DCDC1: variants seen among roughly 807,000 people sequenced by gnomAD.
The protein encoded by DCDC1 is doublecortin domain containing 1.
DCDC1 carries 200 observed loss-of-function variants against 178.3 expected under a neutral mutation model. That is an observed-to-expected ratio of 1.12 (90% confidence interval 1.00 to 1.26). DCDC1 has a LOEUF of 1.26. DCDC1 is among the 50% of genes most tolerant of loss of function. The pLI is 0.00. For missense variants in DCDC1, 1,983 were observed against 1,749.2 expected, an observed-to-expected ratio of 1.13 and a Z score of -2.38; for synonymous variants, 690 against 604.8, an observed-to-expected ratio of 1.14 and a Z score of -2.07.
chr11:30,950,894 G>A (rs1948377521), intron 21 of DCDC1, among the ~76,000 whole-genome samples: 1 of 152,096 alleles, frequency 6.6e-6, no homozygotes, highest in African/African-American at 2.4e-5. Flanking sequence ...ATAAATGCTT[G>A]AGGTGATGGA....
intron 20 of DCDC1, among the ~76,000 whole-genome samples, chr11:31,046,801 C>T (rs999255958): frequency 1.3e-5 from 2 of 151,988 alleles, no homozygotes; most frequent in Non-Finnish European, 2.9e-5. Flanking sequence ...AGATATGACA[C>T]ATATAAAAAC....
At chr11:31,355,366 T>C (rs1373358772) in intron 1 of DCDC1, among the ~76,000 whole-genome samples, 1 of 152,120 alleles carries the variant, frequency 6.6e-6, no homozygotes, top group Non-Finnish European at 1.5e-5. Flanking sequence ...AACATTTGGC[T>C]TGTATTACAG....
At position 30,952,491 on chromosome 11, in the gene DCDC1, T is replaced by C; in HGVS notation, c.2669A>G (p.Lys890Arg). ...HSRVENPLWN[K>R]LTYMWPVLPS... ...AAGGACAGGCCACATGTAGGTAAGC[T>C]TGTTCCATAGAGGATTTTCAACTCT... Residue 890 changes from lysine to arginine, a missense_variant, in exon 21 of 39, where the codon AAG becomes AGG. Physicochemically the swap from Lys to Arg is conservative, Grantham distance 26. Transcript: ENST00000684477. 6.3e-7 allele frequency: 1 copy of C among 1,587,022 alleles called. No homozygotes were observed. The highest frequency in any genetic ancestry group is 8.5e-7 in the Non-Finnish European group (1 of 1,171,270).
intron 20 of DCDC1, among the ~76,000 whole-genome samples, chr11:30,973,715 T>C (rs1474499739): frequency 6.6e-6 from 1 of 152,136 alleles, no homozygotes; most frequent in Non-Finnish European, 1.5e-5. Flanking sequence ...TCTAAACATA[T>C]ATGCACCCAA....
chr11:31,165,131 G>C (rs2136187929), intron 9 of DCDC1, among the ~76,000 whole-genome samples: 1 of 152,276 alleles, frequency 6.6e-6, no homozygotes, highest in African/African-American at 2.4e-5. Context: ...GTCAGTCATA[G>C]ATATCAAATT....
chr11:31,127,610 T>C lies in DCDC1; in HGVS notation c.1344A>G (p.Thr448=), dbSNP rs1220157926. The C allele has an allele frequency of 8.5e-6, 6 of 702,402 alleles. No homozygotes were observed. Among genetic ancestry groups the C allele is most frequent in the African/African-American group, 5.2e-5 (3 of 57,222 alleles). 43.5% of individuals were successfully genotyped at this position (702,402 alleles called of 1,614,324 possible). The change falls in exon 11 of 39, where the codon ACA becomes ACG. Residue 448 remains threonine (T), a synonymous_variant. Transcript: ENST00000684477. The stretch of plus-strand genomic sequence containing the variant: ...GATGACCTATGTTACTTTTGATAGC[T>C]GTCTGCAATTCATCAATCAGCCTGC... ...EVSRLIDELQ[T]AIKSNIGHLC...
chr11:31,245,199 C>CT (rs1037464841), intron 8 of DCDC1, among the ~76,000 whole-genome samples: 80 of 146,780 alleles, frequency 5.5e-4, no homozygotes, highest in African/African-American at 1.4e-3. Context: ...TTCTCTCTCT[C>CT]TTTTTTTTTT....
chr11:31,277,415 G>A (rs996624990), intron 7 of DCDC1, among the ~76,000 whole-genome samples: 2 of 152,030 alleles, frequency 1.3e-5, no homozygotes, highest in African/African-American at 4.8e-5. Flanking sequence ...GTTGACATAT[G>A]TTATTTATCT....
intron 9 of DCDC1, among the ~76,000 whole-genome samples, chr11:31,212,976 C>A (rs977871695): frequency 6.6e-6 from 1 of 151,954 alleles, no homozygotes; most frequent in South Asian, 2.1e-4. Context: ...TCCTGGATGC[C>A]TCTGCCCTCC....
chr11:31,143,030 T>C (rs184740172), intron 9 of DCDC1, among the ~76,000 whole-genome samples: 1 of 152,190 alleles, frequency 6.6e-6, no homozygotes, highest in Non-Finnish European at 1.5e-5. Context: ...TACTAGACAT[T>C]TTTCCAGATA....
intron 11 of DCDC1, among the ~76,000 whole-genome samples, chr11:31,112,724 A>G (rs866937785): frequency 6.6e-6 from 1 of 152,210 alleles, no homozygotes; most frequent in Non-Finnish European, 1.5e-5. Context: ...ACAGAGTTTC[A>G]AGAGAGTGTT....
chr11:31,236,686 C>T (rs1032554382), intron 9 of DCDC1, among the ~76,000 whole-genome samples: 3 of 151,804 alleles, frequency 2.0e-5, no homozygotes, highest in Admixed American at 1.3e-4. Context: ...TACAAACAAC[C>T]TAATATTCTA....
chr11:31,178,698 T>TC (rs1201183795), intron 9 of DCDC1, among the ~76,000 whole-genome samples: 1 of 152,136 alleles, frequency 6.6e-6, no homozygotes, highest in African/African-American at 2.4e-5. Flanking sequence ...ACGCAATTTT[T>TC]CTTTTTTTTC....
intron 9 of DCDC1, among the ~76,000 whole-genome samples, chr11:31,238,506 A>AT (rs1468424616): frequency 6.6e-6 from 1 of 152,058 alleles, no homozygotes; most frequent in African/African-American, 2.4e-5. Flanking sequence ...AGCCTTCCTC[A>AT]TTCACTGACA....
At chr11:30,894,066 T>G (rs1944004275) in intron 35 of DCDC1, among the ~76,000 whole-genome samples, 182 bp downstream of exon 35, 1 of 152,232 alleles carries the variant, frequency 6.6e-6, no homozygotes, top group Non-Finnish European at 1.5e-5. Flanking sequence ...TCATATGAGC[T>G]GGCTGTCTTT....
At chr11:31,262,510 A>G (rs1944864787) in intron 8 of DCDC1, 1 of 152,200 alleles carries the variant, frequency 6.6e-6, no homozygotes, top group Non-Finnish European at 1.5e-5. Context: ...CCTTGGTACA[A>G]TTACACTTCT....
At chr11:31,085,010 C>T (rs1054864905) in intron 17 of DCDC1, among the ~76,000 whole-genome samples, 2 of 151,398 alleles carry the variant, frequency 1.3e-5, no homozygotes, top group African/African-American at 4.9e-5. Context: ...GAAGAGTATG[C>T]CCATCAAGCT....
At chr11:31,017,761 A>T (rs1444339779) in intron 20 of DCDC1, among the ~76,000 whole-genome samples, 1 of 151,820 alleles carries the variant, frequency 6.6e-6, no homozygotes, top group Non-Finnish European at 1.5e-5. Flanking sequence ...TTTGGTTTTG[A>T]TTTTCTTTGT....
chr11:31,123,289 T>C (rs1182945934), intron 11 of DCDC1, among the ~76,000 whole-genome samples: 1 of 152,048 alleles, frequency 6.6e-6, no homozygotes, highest in Non-Finnish European at 1.5e-5. Flanking sequence ...TTATATAGTG[T>C]TTACACTAAA....
Sources: allele counts gnomAD v4.1 joint callset (sites outside exome capture counted in the v4.1 genomes callset), GRCh38; gene constraint gnomAD v4.1.1; transcripts MANE v1.5; gene names NCBI Gene and HGNC (gene_info 2026-07-23, HGNC 2026-07-21).